TSPEAR: variants seen among roughly 807,000 people sequenced by gnomAD.
TSPEAR encodes the protein thrombospondin type laminin G domain and EAR repeats.
TSPEAR carries 69 observed loss-of-function variants against 71.6 expected under a neutral mutation model. The observed-to-expected ratio is 0.96, with a 90% CI of 0.79 to 1.18. The LOEUF is 1.18. TSPEAR is among the 50% of genes most tolerant of loss of function. TSPEAR has a pLI of 0.00. For synonymous variants in TSPEAR, 402 were observed against 387.2 expected, an observed-to-expected ratio of 1.04 and a Z score of -0.45; for missense variants, 971 against 894.9, an observed-to-expected ratio of 1.09 and a Z score of -1.09.
chr21:44,586,162 C>T (rs1306890984), intron 1 of TSPEAR, among the ~76,000 whole-genome samples: 3 of 152,262 alleles, frequency 2.0e-5, no homozygotes, highest in African/African-American at 7.2e-5. Context: ...GAACTCAACC[C>T]TCAGTTAAAG....
chr21:44,539,507 C>G, intron 2 of TSPEAR: 1 of 1,613,622 alleles, frequency 6.2e-7, no homozygotes, highest in East Asian at 2.2e-5. Flanking sequence ...CGGCTGGCAG[C>G]TAGACTGCTG....
Position 44,612,824 on chromosome 21 carries a change from C to A in TSPEAR, c.83-44819G>T. The A allele has an allele frequency of 6.2e-7, 1 of 1,612,986 alleles. No homozygotes were observed. Among genetic ancestry groups the A allele is most frequent in the African/African-American group, 1.3e-5 (1 of 74,994 alleles). ...CTCCTGCCAGCCCAGCTGCTGCCAC[C>A]CGGCCTCCTGCCTGTCCTTCCTCTG... On this transcript the variant is annotated intron_variant, in intron 1 of 11. Coordinates refer to ENST00000323084, the MANE Select transcript of TSPEAR (RefSeq NM_144991.3). This position sits in a 1 kb window ranked among gnomAD's most constrained non-coding sequence, Gnocchi z 4.1.
intron 1 of TSPEAR, among the ~76,000 whole-genome samples, chr21:44,708,729 T>C (rs1248783226): frequency 6.6e-6 from 1 of 151,760 alleles, no homozygotes; most frequent in Non-Finnish European, 1.5e-5. Context: ...CCTCCCCGAA[T>C]GCTGCTCCCT....
intron 1 of TSPEAR, among the ~76,000 whole-genome samples, chr21:44,662,989 C>A (rs1277188168): frequency 6.6e-6 from 1 of 151,830 alleles, no homozygotes; most frequent in South Asian, 2.1e-4. Context: ...AAAATTATAT[C>A]ATTAAGTGCT....
intron 1 of TSPEAR, chr21:44,678,026 T>C: frequency 1.2e-6 from 1 of 806,916 alleles, no homozygotes; most frequent in Non-Finnish European, 2.2e-6. Context: ...AGGACTAACT[T>C]CCCATAGAGA....
At chr21:44,500,694 C>A (rs1483349951) in intron 11 of TSPEAR, among the ~76,000 whole-genome samples, 1 of 152,220 alleles carries the variant, frequency 6.6e-6, no homozygotes, top group South Asian at 2.1e-4. Flanking sequence ...TGGGGGAGAA[C>A]CTGGCAGGGT....
chr21:44,651,237 T>C (rs1158825484), intron 1 of TSPEAR, among the ~76,000 whole-genome samples: 2 of 151,936 alleles, frequency 1.3e-5, no homozygotes, highest in African/African-American at 4.8e-5. Context: ...AGGAGACTTG[T>C]CTCTCCTCCC....
At chr21:44,580,930 T>C (rs950583174) in intron 1 of TSPEAR, among the ~76,000 whole-genome samples, 4 of 152,220 alleles carry the variant, frequency 2.6e-5, no homozygotes, top group Non-Finnish European at 4.4e-5. Flanking sequence ...GTTTTAGAGA[T>C]GAAGACTTCT....
intron 9 of TSPEAR, among the ~76,000 whole-genome samples, chr21:44,514,236 G>A (rs375510991): frequency 3.9e-5 from 6 of 152,294 alleles, no homozygotes; most frequent in East Asian, 1.9e-4. Flanking sequence ...GCCTCATGAG[G>A]GTGCTTAGGG....
chr21:44,513,501 C>T (rs928254961), intron 9 of TSPEAR, among the ~76,000 whole-genome samples: 1 of 152,220 alleles, frequency 6.6e-6, no homozygotes. Flanking sequence ...CTGGGCTGGG[C>T]AGGCCCTTCC....
chr21:44,702,805 G>A, intron 1 of TSPEAR: 1 of 1,216,010 alleles, frequency 8.2e-7, no homozygotes, highest in South Asian at 1.3e-5. Context: ...CTACTGACGG[G>A]CACGTCCCCC....
chr21:44,536,751 T>C (rs1342199462), intron 2 of TSPEAR, among the ~76,000 whole-genome samples: 5 of 152,230 alleles, frequency 3.3e-5, no homozygotes, highest in African/African-American at 9.6e-5. Context: ...AAATTCTCCT[T>C]ATTTTCAAAT....
In TSPEAR at chr21:44,567,809, CAA is replaced by C. The variant is rs781978167; in HGVS notation, c.277_278del (p.Leu93GlufsTer163). On this transcript the variant is annotated frameshift_variant, in exon 2 of 12. Coordinates refer to ENST00000323084, the MANE Select transcript of TSPEAR (RefSeq NM_144991.3). LOFTEE classifies it high-confidence loss of function. ...CCTTGGGTGGAAGATTGGGAACTCT[CAA>C]AGTTACGACGATGGAAAATTCTTCA... ...FPEEFSIVVT[L>X]RVPNLPPKRN... 6.3e-7 allele frequency: 1 copy of C among 1,586,918 alleles called. No homozygotes were observed. Among genetic ancestry groups the C allele is most frequent in the Non-Finnish European group, 8.6e-7 (1 of 1,165,428 alleles).
chr21:44,660,832 TG>T (rs1264136377), intron 1 of TSPEAR, among the ~76,000 whole-genome samples: 30 of 151,918 alleles, frequency 2.0e-4, no homozygotes, highest in Admixed American at 2.0e-3. Context: ...CCAGGCATGG[TG>T]GTGGGCCCCT....
chr21:44,511,314 C>G (rs1461752520), intron 9 of TSPEAR, among the ~76,000 whole-genome samples: 1 of 152,194 alleles, frequency 6.6e-6, no homozygotes, highest in African/African-American at 2.4e-5. Context: ...CACACACATG[C>G]ACGCCTGCAT....
intron 1 of TSPEAR, among the ~76,000 whole-genome samples, chr21:44,635,139 G>A (rs1426756486): frequency 6.6e-6 from 1 of 152,114 alleles, no homozygotes; most frequent in African/African-American, 2.4e-5. Flanking sequence ...GAGGTCAGGA[G>A]TTCAAGACCA....
Position 44,554,133 on chromosome 21 carries a change from G to C in TSPEAR, c.303+13652C>G, listed in dbSNP as rs1307062652. ...TTCCAATATGATGGTATTAAGAGGT[G>C]GGGCCTTTGGGAGGTAATTAGGTCA... On this transcript the variant is annotated intron_variant, in intron 2 of 11. Coordinates refer to ENST00000323084, the MANE Select transcript of TSPEAR (RefSeq NM_144991.3). Among the ~76,000 whole-genome samples the C allele has an allele frequency of 2.6e-5, 4 of 152,330 alleles. No individual in the cohort carries two copies. The East Asian group carries it at 5.8e-4, about 22-fold the overall frequency.
intron 9 of TSPEAR, among the ~76,000 whole-genome samples, chr21:44,513,131 C>T (rs1373077617): frequency 1.3e-5 from 2 of 152,206 alleles, no homozygotes; most frequent in African/African-American, 4.8e-5. Flanking sequence ...GGCAGAACCC[C>T]CACGGGGTGT....
chr21:44,517,229 G>T (rs2052602409), intron 9 of TSPEAR: 1 of 154,040 alleles, frequency 6.5e-6, no homozygotes, highest in African/African-American at 2.4e-5. Context: ...TTTCCTTATG[G>T]TCATCTTTGG....
Sources: allele counts gnomAD v4.1 joint callset (sites outside exome capture counted in the v4.1 genomes callset), GRCh38; gene constraint gnomAD v4.1.1; non-coding constraint Gnocchi (gnomAD v3.1); transcripts MANE v1.5; gene names NCBI Gene and HGNC (gene_info 2026-07-23, HGNC 2026-07-21).